Variants in ARHGAP21 observed in about 807,000 individuals in gnomAD.
ARHGAP21 encodes Rho GTPase activating protein 21.
ARHGAP21 carries 38 observed loss-of-function variants against 164.6 expected under a neutral mutation model. The observed-to-expected ratio is 0.23, with a 90% CI of 0.18 to 0.30. The LOEUF (loss-of-function observed/expected upper bound fraction) is 0.30, where lower values mean the gene tolerates loss of function less well. ARHGAP21 is among the 10% of genes least tolerant of loss of function. The probability of loss-of-function intolerance (pLI) is 1.00; values close to 1 mark genes in which losing one functional copy is unlikely to be tolerated. For missense variants in ARHGAP21, 1,822 were observed against 2,370.7 expected, an observed-to-expected ratio of 0.77 and a Z score of 4.81; for synonymous variants, 766 against 857.9, an observed-to-expected ratio of 0.89 and a Z score of 1.87.
chr10:24,656,012 G>A (rs1325778030), intron 4 of ARHGAP21, among the ~76,000 whole-genome samples: 3 of 142,388 alleles, frequency 2.1e-5, no homozygotes, highest in Admixed American at 1.4e-4. Flanking sequence ...GAGCCCCTCC[G>A]CCCGGCAGCT....
Position 24,686,978 on chromosome 10 carries a change from G to A in ARHGAP21, c.64-16581C>T, listed in dbSNP as rs935040793. Among the ~76,000 whole-genome samples, 5 of 152,162 alleles carry A rather than the reference G, an allele frequency of 3.3e-5. No homozygotes were observed. The South Asian group carries it at 1.0e-3, about 32-fold the overall frequency. On this transcript the variant is annotated intron_variant, in intron 2 of 25. Transcript: ENST00000396432. The stretch of plus-strand genomic sequence containing the variant: ...GGCAGGCAATGGTTTGAGCCCAGAA[G>A]TTCACCTGCTACTTCCAGGAGAGCA...
intron 2 of ARHGAP21, among the ~76,000 whole-genome samples, chr10:24,696,358 A>T (rs1040410338): frequency 2.0e-5 from 3 of 152,336 alleles, no homozygotes; most frequent in Non-Finnish European, 1.5e-5. Context: ...TCAGCTGAGC[A>T]ATGATGAGGG....
At chr10:24,706,293 C>T (rs1390647496) in intron 2 of ARHGAP21, among the ~76,000 whole-genome samples, 1 of 152,120 alleles carries the variant, frequency 6.6e-6, no homozygotes, top group Non-Finnish European at 1.5e-5. Context: ...ATAGTCTCAT[C>T]TGTGCTACTT....
At chr10:24,667,113 C>A in intron 3 of ARHGAP21, 104 bp from the exon 4 acceptor site, 1 of 572,058 alleles carries the variant, frequency 1.7e-6, no homozygotes, top group Non-Finnish European at 2.9e-6. Flanking sequence ...CCAGATTGTG[C>A]CAATTACAAT....
At chr10:24,658,039 A>G (rs1330860850) in intron 4 of ARHGAP21, among the ~76,000 whole-genome samples, 5 of 52,038 alleles carry the variant, frequency 9.6e-5, no homozygotes, top group South Asian at 1.0e-3. Context: ...ACACCCAAGA[A>G]TTATCAATAA....
intron 21 of ARHGAP21, among the ~76,000 whole-genome samples, chr10:24,593,035 T>A (rs1352607091): frequency 6.6e-6 from 1 of 152,200 alleles, no homozygotes; most frequent in East Asian, 1.9e-4. Flanking sequence ...ATATTTTGAA[T>A]TCAGTATTTG....
chr10:24,659,721 C>G (rs547367913), intron 4 of ARHGAP21, among the ~76,000 whole-genome samples: 1 of 152,150 alleles, frequency 6.6e-6, no homozygotes, highest in Non-Finnish European at 1.5e-5. Context: ...CCAGGCTGTT[C>G]TCAACCTCCT....
intron 2 of ARHGAP21, among the ~76,000 whole-genome samples, chr10:24,709,920 A>G (rs929684043): frequency 6.6e-6 from 1 of 152,168 alleles, no homozygotes; most frequent in Non-Finnish European, 1.5e-5. Flanking sequence ...TAGACACTCA[A>G]TTCTGCTCCC....
chr10:24,649,170 T>C (rs1346752260), intron 4 of ARHGAP21, among the ~76,000 whole-genome samples: 1 of 152,322 alleles, frequency 6.6e-6, no homozygotes, highest in African/African-American at 2.4e-5. Flanking sequence ...GGGTAGCAAA[T>C]TATCTAATGA....
At chr10:24,667,244 T>A (rs775591646) in intron 3 of ARHGAP21, among the ~76,000 whole-genome samples, 23 of 151,950 alleles carry the variant, frequency 1.5e-4, no homozygotes, top group Non-Finnish European at 1.5e-4. Context: ...AAAGATAGAG[T>A]TTTCACAAAT....
chr10:24,646,877 T>G lies in ARHGAP21; in HGVS notation c.269-11774A>C, dbSNP rs573430198. Among the ~76,000 whole-genome samples, 3 of 152,272 alleles carry G rather than the reference T, an allele frequency of 2.0e-5. No individual in the cohort carries two copies. The East Asian group carries it at 5.8e-4, about 29-fold the overall frequency. On this transcript the variant is annotated intron_variant, in intron 4 of 25. Coordinates refer to ENST00000396432, the MANE Select transcript of ARHGAP21 (RefSeq NM_020824.4). ...TCAATTATAAATTTAAAAATTAATT[T>G]AGAAAAAAAAGCTCAAAATTACCTA...
At chr10:24,653,336 A>G (rs1838402565) in intron 4 of ARHGAP21, among the ~76,000 whole-genome samples, 1 of 152,124 alleles carries the variant, frequency 6.6e-6, no homozygotes, top group African/African-American at 2.4e-5. Flanking sequence ...GCACTTTGGG[A>G]GGCCAAGGCG....
intron 2 of ARHGAP21, among the ~76,000 whole-genome samples, chr10:24,720,219 C>T (rs1032407392): frequency 1.5e-5 from 2 of 135,776 alleles, no homozygotes; most frequent in African/African-American, 5.6e-5. Flanking sequence ...CAAGATGTGT[C>T]TAAATTCTTG....
intron 4 of ARHGAP21, among the ~76,000 whole-genome samples, chr10:24,663,919 C>T (rs1283275285): frequency 6.6e-6 from 1 of 152,164 alleles, no homozygotes; most frequent in Non-Finnish European, 1.5e-5. Context: ...ATATACTCCC[C>T]CTCTCCCAAC....
intron 4 of ARHGAP21, among the ~76,000 whole-genome samples, chr10:24,662,623 T>C (rs1839819477): frequency 6.6e-6 from 1 of 152,240 alleles, no homozygotes; most frequent in African/African-American, 2.4e-5. Flanking sequence ...AATTGTATTA[T>C]AAATCACTTT....
chr10:24,692,583 G>A (rs1380427142), intron 2 of ARHGAP21, among the ~76,000 whole-genome samples: 1 of 152,144 alleles, frequency 6.6e-6, no homozygotes, highest in Non-Finnish European at 1.5e-5. Context: ...TATAATCCCG[G>A]CACTTTGGGA....
At chr10:24,669,659 C>G (rs1408953617) in intron 3 of ARHGAP21, among the ~76,000 whole-genome samples, 2 of 152,202 alleles carry the variant, frequency 1.3e-5, no homozygotes, top group Non-Finnish European at 2.9e-5. Context: ...GTAAGGAACA[C>G]AGAGCAAGTA....
chr10:24,610,506 T>TA (rs1016844610), intron 9 of ARHGAP21, among the ~76,000 whole-genome samples: 153 of 151,170 alleles, frequency 1.0e-3, no homozygotes, highest in African/African-American at 3.3e-3. Context: ...CCTTAACATG[T>TA]AAAAAAAAAT....
At chr10:24,721,089 G>C (rs1378593060) in intron 2 of ARHGAP21, among the ~76,000 whole-genome samples, 1 of 152,004 alleles carries the variant, frequency 6.6e-6, no homozygotes, top group Admixed American at 6.6e-5. Context: ...AAATTTTCAG[G>C]AAGTCTGGAG....
Sources: allele counts gnomAD v4.1 joint callset (sites outside exome capture counted in the v4.1 genomes callset), GRCh38; gene constraint gnomAD v4.1.1; transcripts MANE v1.5; gene names NCBI Gene and HGNC (gene_info 2026-07-23, HGNC 2026-07-21).